Variants in FAM135B observed in about 807,000 individuals in gnomAD.
The protein encoded by FAM135B is protein FAM135B.
FAM135B carries 43 observed loss-of-function variants against 127.7 expected under a neutral mutation model. That is an observed-to-expected ratio of 0.34 (90% CI 0.26 to 0.43). FAM135B has a LOEUF of 0.43. Among genes scored for constraint, FAM135B ranks in the 20% least tolerant of loss-of-function variants. The pLI is 1.00. For missense variants in FAM135B, 1,558 were observed against 1,725.6 expected (o/e 0.90, Z 1.72); for synonymous variants, 670 against 665.1 (o/e 1.01, Z -0.11).
At chr8:138,261,309 G>A (rs1464300872) in intron 4 of FAM135B, among the ~76,000 whole-genome samples, 2 of 152,122 alleles carry the variant, frequency 1.3e-5, no homozygotes, top group South Asian at 4.1e-4. Context: ...TTAAGCCTAC[G>A]AAAATGCAAT....
At chr8:138,179,026 A>C in intron 9 of FAM135B, among the ~76,000 whole-genome samples, 1 of 152,176 alleles carries the variant, frequency 6.6e-6, no homozygotes, top group East Asian at 1.9e-4. Flanking sequence ...TGTTCTGAGT[A>C]CAGCTTACTC....
At chr8:138,247,536 C>A (rs1029397556) in intron 6 of FAM135B, among the ~76,000 whole-genome samples, 1 of 152,208 alleles carries the variant, frequency 6.6e-6, no homozygotes, top group African/African-American at 2.4e-5. Flanking sequence ...TTTCCTGAGG[C>A]CTCCCCAGCC....
At chr8:138,254,224 A>G (rs926663744) in intron 5 of FAM135B, among the ~76,000 whole-genome samples, 4 of 152,168 alleles carry the variant, frequency 2.6e-5, no homozygotes, top group Non-Finnish European at 5.9e-5. Flanking sequence ...GACTTCTCCA[A>G]TGTTTTATAG....
chr8:138,151,140 G>A (rs2130718318), intron 13 of FAM135B, 54 bp downstream of exon 13: 8 of 1,368,028 alleles, frequency 5.8e-6, no homozygotes, highest in Non-Finnish European at 6.8e-6. Context: ...GGAGAAATAT[G>A]TGGAAAAATC....
chr8:138,175,399 T>C (rs1045442149), intron 11 of FAM135B, among the ~76,000 whole-genome samples: 2 of 152,236 alleles, frequency 1.3e-5, no homozygotes, highest in Non-Finnish European at 2.9e-5. Flanking sequence ...AATATTCTTG[T>C]ATGTCATGGC....
At chr8:138,330,595 A>C (rs919801681) in intron 2 of FAM135B, among the ~76,000 whole-genome samples, 5 of 151,972 alleles carry the variant, frequency 3.3e-5, no homozygotes, top group Non-Finnish European at 5.9e-5. Context: ...CAAACCCCCT[A>C]AGCATGCTCA....
chr8:138,326,669 C>A (rs1452707876), intron 2 of FAM135B, among the ~76,000 whole-genome samples: 14 of 152,110 alleles, frequency 9.2e-5, no homozygotes. Flanking sequence ...GGATCAAAGG[C>A]ATGAAGTGAA....
intron 1 of FAM135B, among the ~76,000 whole-genome samples, chr8:138,430,633 C>T (rs538503540): frequency 1.3e-5 from 2 of 152,186 alleles, no homozygotes; most frequent in Non-Finnish European, 2.9e-5. Context: ...AGGATCACTT[C>T]TTCCACATTC....
chr8:138,398,972 G>C (rs1832996779), intron 1 of FAM135B, among the ~76,000 whole-genome samples: 1 of 152,132 alleles, frequency 6.6e-6, no homozygotes, highest in South Asian at 2.1e-4. Flanking sequence ...AGACCATTAG[G>C]ATTCTAGAAC....
intron 2 of FAM135B, among the ~76,000 whole-genome samples, chr8:138,316,985 A>C (rs1181587222): frequency 6.6e-6 from 1 of 152,124 alleles, no homozygotes; most frequent in Non-Finnish European, 1.5e-5. Context: ...ATCTCAAAAA[A>C]AAAAAAAAAT....
intron 7 of FAM135B, among the ~76,000 whole-genome samples, chr8:138,208,236 C>A (rs1367712821): frequency 6.6e-6 from 1 of 152,098 alleles, no homozygotes; most frequent in Non-Finnish European, 1.5e-5. Context: ...GTTCCCATTT[C>A]AACAAGTCTG....
intron 1 of FAM135B, among the ~76,000 whole-genome samples, chr8:138,381,726 G>A (rs1445503450): frequency 6.6e-6 from 1 of 152,170 alleles, no homozygotes; most frequent in African/African-American, 2.4e-5. Context: ...TCCTACTTAG[G>A]ACATTAAGAC....
At chr8:138,433,521 CTCAATAAA>C (rs1835305460) in intron 1 of FAM135B, among the ~76,000 whole-genome samples, 1 of 109,854 alleles carries the variant, frequency 9.1e-6, no homozygotes, top group African/African-American at 3.5e-5. Context: ...AAGATTCTGT[CTCAATAAA>C]TAAATAAATA....
intron 1 of FAM135B, among the ~76,000 whole-genome samples, chr8:138,455,956 T>C (rs12550358): frequency 0.59 from 89,482 of 152,082 alleles, 28,079 homozygotes; most frequent in African/African-American, 0.81. Flanking sequence ...AAGCTGTCTG[T>C]CTTTGTGTAT....
chr8:138,244,120 A>C (rs2130408606), intron 6 of FAM135B, among the ~76,000 whole-genome samples: 1 of 152,292 alleles, frequency 6.6e-6, no homozygotes, highest in Middle Eastern at 3.4e-3. Flanking sequence ...TTATTCAAAT[A>C]TTTATTAGGC....
chr8:138,259,449 A>T (rs1190000308), intron 4 of FAM135B, among the ~76,000 whole-genome samples: 3 of 152,212 alleles, frequency 2.0e-5, no homozygotes, highest in African/African-American at 7.2e-5. Flanking sequence ...CTACTTGCAA[A>T]GCATTGTTAT....
At chr8:138,184,983 G>A (rs1815417070) in intron 9 of FAM135B, among the ~76,000 whole-genome samples, 1 of 152,206 alleles carries the variant, frequency 6.6e-6, no homozygotes, top group African/African-American at 2.4e-5. Context: ...TCTCAAACCA[G>A]CTGCCTCCAG....
chr8:138,338,986 C>T (rs1828829793), intron 2 of FAM135B, among the ~76,000 whole-genome samples: 1 of 151,832 alleles, frequency 6.6e-6, no homozygotes, highest in African/African-American at 2.4e-5. Flanking sequence ...TGGAAACCAT[C>T]ATTCTCAGCA....
At chr8:138,206,924 C>A (rs1270931818) in intron 7 of FAM135B, among the ~76,000 whole-genome samples, 11 of 151,340 alleles carry the variant, frequency 7.3e-5, no homozygotes, top group Non-Finnish European at 1.0e-4. Context: ...ATCCCCTCCC[C>A]CTACCCACAA....
Sources: allele counts gnomAD v4.1 joint callset (sites outside exome capture counted in the v4.1 genomes callset), GRCh38; gene constraint gnomAD v4.1.1; transcripts MANE v1.5; gene names NCBI Gene and HGNC (gene_info 2026-07-23, HGNC 2026-07-21).